The following SVIL variants were observed in gnomAD, a reference collection of about 807,000 sequenced individuals.
SVIL encodes the protein supervillin.
SVIL carries 101 observed loss-of-function variants against 240.4 expected under a neutral mutation model. The ratio of observed to expected loss-of-function variants is 0.42; its 90% CI spans 0.36 to 0.50. The LOEUF is 0.50. Ranked by LOEUF, SVIL falls within the 20% of genes least tolerant of loss-of-function variation. The pLI is 0.01. For synonymous variants in SVIL, 999 were observed against 1,100.0 expected (o/e 0.91, Z 1.82); for missense variants, 2,512 against 2,818.7 (o/e 0.89, Z 2.46).
intron 1 of SVIL, among the ~76,000 whole-genome samples, chr10:29,706,487 C>T (rs1313344133): frequency 6.6e-6 from 1 of 152,112 alleles, no homozygotes; most frequent in African/African-American, 2.4e-5. Flanking sequence ...CCTTTGCCCA[C>T]ATTTTGATGG....
At chr10:29,519,405 G>A (rs1489764875) in intron 16 of SVIL, among the ~76,000 whole-genome samples, 3 of 152,210 alleles carry the variant, frequency 2.0e-5, no homozygotes, top group African/African-American at 7.2e-5. Flanking sequence ...GTCAGAGGCG[G>A]TTAGAATAAA....
intron 1 of SVIL, among the ~76,000 whole-genome samples, chr10:29,708,257 C>CAAAA (rs35982600): frequency 5.6e-4 from 35 of 62,694 alleles, no homozygotes; most frequent in African/African-American, 1.6e-3. Context: ...GACTCCATCT[C>CAAAA]AAAAAAAAAA....
chr10:29,491,760 A>G lies in SVIL; in HGVS notation c.4020-741T>C, dbSNP rs561814343. 6.0e-4 allele frequency among the ~76,000 whole-genome samples: 92 copies of G among 152,294 alleles called. 1 individual carries two copies. Among genetic ancestry groups the G allele is most frequent in the Middle Eastern group, 3.4e-3 (1 of 294 alleles). On this transcript the variant is annotated intron_variant, in intron 21 of 37. Transcript: ENST00000355867. The stretch of plus-strand genomic sequence containing the variant: ...CTGTGCCCAAAAGGCGTCTTTACGT[A>G]CCATGGTGTCATATGTGTCTATCAA...
chr10:29,559,147 A>G (rs1954219812), intron 3 of SVIL, among the ~76,000 whole-genome samples: 1 of 152,028 alleles, frequency 6.6e-6, no homozygotes, highest in African/African-American at 2.4e-5. Context: ...GCCTACCTAC[A>G]GTTCTACCAA....
intron 3 of SVIL, among the ~76,000 whole-genome samples, chr10:29,642,454 AGAAAGAAAGAAAGACC>A (rs747011935): frequency 0.017 from 1,940 of 111,964 alleles, 42 homozygotes; most frequent in East Asian, 0.063. Flanking sequence ...AAAGAAAGAA[AGAAAGAAAGAAAGACC>A]GACCCCTAAT....
chr10:29,471,740 C>G (rs1043227129), intron 30 of SVIL, among the ~76,000 whole-genome samples: 1 of 152,232 alleles, frequency 6.6e-6, no homozygotes, highest in African/African-American at 2.4e-5. Context: ...GCTCTTCCTT[C>G]AGGTGTTATC....
intron 17 of SVIL, among the ~76,000 whole-genome samples, chr10:29,506,679 A>AGAGGGAGGGGACAGAGGCCC (rs1564534982): frequency 8.8e-6 from 1 of 114,188 alleles, no homozygotes; most frequent in African/African-American, 3.2e-5. Flanking sequence ...CAGAGGCCCT[A>AGAGGGAGGGGACAGAGGCCC]TGAGGGAGGG....
chr10:29,663,082 C>T (rs1959176945), intron 2 of SVIL, among the ~76,000 whole-genome samples: 1 of 152,174 alleles, frequency 6.6e-6, no homozygotes, highest in Admixed American at 6.5e-5. Flanking sequence ...CACTGCACTC[C>T]AGCCTGGGCA....
intron 3 of SVIL, among the ~76,000 whole-genome samples, chr10:29,558,944 TA>T (rs1334806320): frequency 1.8e-3 from 270 of 148,094 alleles, no homozygotes; most frequent in African/African-American, 6.1e-3. Flanking sequence ...TATATATATA[TA>T]TAAAAAATAT....
At chr10:29,558,843 G>A (rs1015553939) in intron 3 of SVIL, among the ~76,000 whole-genome samples, 4 of 150,838 alleles carry the variant, frequency 2.7e-5, no homozygotes, top group Non-Finnish European at 4.4e-5. Context: ...CAGGAGAATT[G>A]CTTGAACCCG....
At chr10:29,555,254 C>T in intron 3 of SVIL, 146 bp from the exon 4 acceptor site, 1 of 803,280 alleles carries the variant, frequency 1.2e-6, no homozygotes, top group Admixed American at 3.0e-5. Flanking sequence ...CAAGTTCCTG[C>T]TTTCTTGGAA....
intron 17 of SVIL, among the ~76,000 whole-genome samples, 184 bp downstream of exon 17, chr10:29,512,551 A>G (rs1404775362): frequency 6.6e-6 from 1 of 152,254 alleles, no homozygotes; most frequent in East Asian, 1.9e-4. Context: ...GTTTTAAAAC[A>G]TCTCCAGGCA....
chr10:29,544,502 C>A (rs1952454298), intron 6 of SVIL, among the ~76,000 whole-genome samples: 1 of 152,042 alleles, frequency 6.6e-6, no homozygotes, highest in Non-Finnish European at 1.5e-5. Context: ...CACGTGTAGT[C>A]CCAGCACTTT....
At chr10:29,538,029 G>C (rs1201829976) in intron 6 of SVIL, among the ~76,000 whole-genome samples, 2 of 152,214 alleles carry the variant, frequency 1.3e-5, no homozygotes, top group Non-Finnish European at 2.9e-5. Flanking sequence ...CAGGAACGAA[G>C]GCAGTGCAAC....
In SVIL at chr10:29,457,904, C is replaced by T. The variant is rs550458185; in HGVS notation, c.*343G>A. The T allele has an allele frequency of 1.3e-5, 2 of 159,152 alleles. No individual in the cohort carries two copies. Among genetic ancestry groups the T allele is most frequent in the East Asian group, 3.3e-4 (2 of 6,100 alleles). The allele number at this position is 159,152 out of a possible 1,614,324, so 9.9% of individuals were successfully genotyped here. Reference sequence around the variant, plus strand: ...GAATCCACAAACTATCAAAATAACACTTTATAAAGAGAACTGCTTCAAAAA... The same window carrying T: ...GAATCCACAAACTATCAAAATAACATTTTATAAAGAGAACTGCTTCAAAAA... On this transcript the variant is annotated 3_prime_UTR_variant, in exon 38 of 38. Transcript: ENST00000355867.
intron 30 of SVIL, among the ~76,000 whole-genome samples, chr10:29,472,371 T>C (rs1415788162): frequency 3.3e-5 from 5 of 152,236 alleles, no homozygotes; most frequent in African/African-American, 1.2e-4. Context: ...GGAAATGTGA[T>C]TGGTTCTTGG....
chr10:29,493,358 G>A lies in SVIL; in HGVS notation c.3875C>T (p.Thr1292Ile), dbSNP rs1588969566. The A allele has an allele frequency of 6.2e-7, 1 of 1,614,164 alleles. No individual in the cohort carries two copies. The highest frequency in any genetic ancestry group is 8.5e-7 in the Non-Finnish European group (1 of 1,180,028). ...CATCACCTCCTTCACAGATTTGCCG[G>A]TGACAGTGAGCACCGTTTCGTGCAT... is the stretch of plus-strand genomic sequence containing the variant. ...GGMHETVLTV[T>I]GKSVKEVMKP... Residue 1292 changes from threonine (T) to isoleucine (I), a missense_variant, in exon 21 of 38, where the codon ACC becomes ATC. Thr to Ile is a moderately conservative substitution (Grantham distance 89). Around this residue, in one of 3 missense-constraint regions of SVIL, gnomAD observed 272 missense variants for 406.8 expected, o/e 0.67. Transcript: ENST00000355867.
At position 29,523,580 on chromosome 10, in the gene SVIL, C is replaced by T. The variant is rs141109147; in HGVS notation, c.3034G>A (p.Gly1012Arg). 2.7e-4 allele frequency: 429 copies of T among 1,614,016 alleles called. No individual in the cohort carries two copies. The highest frequency in any genetic ancestry group is 3.3e-4 in the Non-Finnish European group (392 of 1,180,034). ...ATGGAAAATTCCTTCGGTTCATCCC[C>T]GAGGTGGGTGATGGGAGGGTTCGCC... ...ERANPPITHL[G>R]DEPKEFSMAK... is the part of the protein sequence containing the mutation. Residue 1012 changes from glycine (G) to arginine (R), a missense_variant, in exon 15 of 38, where the codon GGG (glycine) becomes AGG (arginine). Coordinates refer to ENST00000355867, the MANE Select transcript of SVIL (RefSeq NM_021738.3).
At chr10:29,673,610 G>T (rs1012109060) in intron 2 of SVIL, among the ~76,000 whole-genome samples, 1 of 145,852 alleles carries the variant, frequency 6.9e-6, no homozygotes, top group Non-Finnish European at 1.5e-5. Context: ...AGAGAGCTAG[G>T]GGGGAACTGC....
Sources: gnomAD v4.1 joint callset for allele counts (sites outside exome capture counted in the v4.1 genomes callset) on GRCh38, gnomAD v4.1.1 for gene constraint, gnomAD v4.1.1 regional missense constraint, MANE v1.5 for transcripts, NCBI Gene and HGNC (gene_info 2026-07-23, HGNC 2026-07-21) for gene names.